IARS1: variants seen among roughly 807,000 people sequenced by gnomAD.
IARS1 encodes the protein isoleucine--tRNA ligase, cytoplasmic.
In IARS1, 124 loss-of-function variants were observed where a neutral mutation model predicts 168.2. That is an observed-to-expected ratio of 0.74 (90% CI 0.64 to 0.86). The LOEUF (loss-of-function observed/expected upper bound fraction) is 0.86. Ranked by LOEUF, IARS1 falls within the 40% of genes least tolerant of loss-of-function variation. The pLI is 0.00. For synonymous variants in IARS1, 532 were observed against 529.4 expected, an observed-to-expected ratio of 1.00 and a Z score of -0.07; for missense variants, 1,452 against 1,515.8, an observed-to-expected ratio of 0.96 and a Z score of 0.70.
chr9:92,227,813 G>A (rs1426554202), intron 31 of IARS1, among the ~76,000 whole-genome samples: 1 of 151,562 alleles, frequency 6.6e-6, no homozygotes, highest in African/African-American at 2.4e-5. Context: ...CTTCCTAGAT[G>A]GGATGGCGGC....
In IARS1 at chr9:92,240,949, C is replaced by T. The variant is rs776570033; in HGVS notation, c.3190G>A (p.Glu1064Lys). ...CCTCTGGTGAGTGTAATTTCCAGTTCAGATCCCTTCAACTGAGCACATGAG... is the reference window on the plus strand; with the variant it reads ...CCTCTGGTGAGTGTAATTTCCAGTTTAGATCCCTTCAACTGAGCACATGAG... ...IQEKTQLKGS[E>K]LEITLTRGSS... Residue 1064 changes from glutamate (E) to lysine (K), a missense_variant, in exon 30 of 34, where the codon GAA (glutamate) becomes AAA (lysine). By Grantham distance (56) the Glu-to-Lys change is moderately conservative. Transcript: ENST00000443024. The T allele has an allele frequency of 5.0e-6, 8 of 1,608,186 alleles. No individual in the cohort carries two copies. The South Asian group carries it at 6.6e-5, about 13-fold the overall frequency.
Position 92,210,564 on chromosome 9 carries a change from G to A in IARS1, c.*243C>T, listed in dbSNP as rs1055960014. On this transcript the variant is annotated 3_prime_UTR_variant, in exon 34 of 34. Coordinates refer to ENST00000443024, the MANE Select transcript of IARS1 (RefSeq NM_002161.6). ...GTATAGAAATAAACTGTGGGCTGAA[G>A]TAACATTGTAACCTGCTCCCAACAT... The A allele has an allele frequency of 1.0e-5, 4 of 383,710 alleles. No homozygotes were observed. The highest frequency in any genetic ancestry group is 1.9e-5 in the Non-Finnish European group (4 of 212,258). The allele number at this position is 383,710 out of a possible 1,614,324, so 23.8% of individuals were successfully genotyped here.
intron 22 of IARS1, 104 bp from the exon 23 acceptor site, chr9:92,250,938 T>C (rs1829927918): frequency 3.1e-6 from 4 of 1,275,704 alleles, no homozygotes; most frequent in African/African-American, 1.5e-5. Context: ...GACACAGTAA[T>C]AGGCACCAAA....
chr9:92,260,381 C>G, intron 17 of IARS1, 147 bp from the exon 18 acceptor site: 1 of 656,542 alleles, frequency 1.5e-6, no homozygotes, highest in Admixed American at 2.1e-5. Context: ...ATAGGCCGGG[C>G]GCGGTGGCTC....
intron 30 of IARS1, among the ~76,000 whole-genome samples, chr9:92,238,063 G>A (rs1005070729): frequency 1.3e-5 from 2 of 152,030 alleles, no homozygotes; most frequent in East Asian, 3.9e-4. Flanking sequence ...CCGCCACCAA[G>A]CCTGGCTAAT....
intron 27 of IARS1, 100 bp downstream of exon 27, chr9:92,244,859 G>T: frequency 2.3e-6 from 2 of 879,382 alleles, no homozygotes; most frequent in Non-Finnish European, 3.6e-6. Flanking sequence ...TTTACCCTGA[G>T]ACAAGCTGTC....
chr9:92,276,119 G>C (rs934419963), intron 9 of IARS1, among the ~76,000 whole-genome samples: 1 of 152,188 alleles, frequency 6.6e-6, no homozygotes, highest in Non-Finnish European at 1.5e-5. Flanking sequence ...AGTATGTTAA[G>C]CTATATGATA....
Position 92,238,071 on chromosome 9 carries a change from A to C in IARS1, c.3283+2785T>G, listed in dbSNP as rs137959704. ...TAGGCGCCCGCCACCAAGCCTGGCTAATTTTTGTATTTTTAGTAGAGGTGG... is the reference window on the plus strand; with the variant it reads ...TAGGCGCCCGCCACCAAGCCTGGCTCATTTTTGTATTTTTAGTAGAGGTGG... On this transcript the variant is annotated intron_variant, in intron 30 of 33. Coordinates refer to ENST00000443024, the MANE Select transcript of IARS1 (RefSeq NM_002161.6). 6.3e-4 allele frequency among the ~76,000 whole-genome samples: 96 copies of C among 152,096 alleles called. 4 individuals are homozygous for C. The East Asian group carries it at 0.016, about 25-fold the overall frequency.
At chr9:92,292,164 T>G (rs1248075029) in intron 1 of IARS1, among the ~76,000 whole-genome samples, 1 of 143,342 alleles carries the variant, frequency 7.0e-6, no homozygotes, top group Non-Finnish European at 1.5e-5. Flanking sequence ...ACTACAGGTG[T>G]GCACCACCAC....
chr9:92,265,435 A>C, intron 15 of IARS1, 45 bp downstream of exon 15: 1 of 1,519,434 alleles, frequency 6.6e-7, no homozygotes, highest in Non-Finnish European at 9.1e-7. Context: ...AGGTCTTAAT[A>C]GGAGAATCGT....
In IARS1 at chr9:92,284,747, C is replaced by T. The variant is rs1290060108; in HGVS notation, c.597+975G>A. On this transcript the variant is annotated intron_variant, in intron 6 of 33. Coordinates refer to ENST00000443024, the MANE Select transcript of IARS1 (RefSeq NM_002161.6). The stretch of plus-strand genomic sequence containing the variant: ...TCGCGCCACTGCACTCTAGCCTGGG[C>T]GACAGAGCAAGACTCTGACTCAAAC... Among the ~76,000 whole-genome samples the T allele has an allele frequency of 9.2e-5, 14 of 151,920 alleles. No homozygotes were observed. In the East Asian group the frequency reaches 9.6e-4, roughly 10 times the overall value.
Position 92,261,152 on chromosome 9 carries a change from A to G in IARS1, c.1788-918T>C, listed in dbSNP as rs557522919. Among the ~76,000 whole-genome samples, 708 of 152,206 alleles carry G rather than the reference A, an allele frequency of 4.7e-3. 6 individuals carry two copies. Among genetic ancestry groups the G allele is most frequent in the Non-Finnish European group, 7.4e-3 (504 of 68,014 alleles). On this transcript the variant is annotated intron_variant, in intron 17 of 33. Transcript: ENST00000443024. ...GTGAAACCCTGTCTCTACCAAAAAT[A>G]CAAAATATTAGCTGGGTGTGGTGGT...
At chr9:92,226,116 T>G (rs1375274393) in intron 31 of IARS1, among the ~76,000 whole-genome samples, 1 of 152,256 alleles carries the variant, frequency 6.6e-6, no homozygotes, top group African/African-American at 2.4e-5. Flanking sequence ...ATCCACCACC[T>G]TGGTGGAACC....
intron 6 of IARS1, among the ~76,000 whole-genome samples, chr9:92,285,220 C>T (rs1420007698): frequency 6.6e-6 from 1 of 152,174 alleles, no homozygotes. Flanking sequence ...TATAACAATA[C>T]ACTCTGTAAA....
chr9:92,283,245 G>A (rs1834917572), intron 6 of IARS1, among the ~76,000 whole-genome samples: 1 of 152,230 alleles, frequency 6.6e-6, no homozygotes, highest in South Asian at 2.1e-4. Flanking sequence ...GGTGAGTTAA[G>A]AATGGTGACA....
chr9:92,235,158 GTTCC>G (rs1423976852), intron 30 of IARS1, among the ~76,000 whole-genome samples: 4 of 152,122 alleles, frequency 2.6e-5, no homozygotes, highest in African/African-American at 9.7e-5. Context: ...TTGTATGTAT[GTTCC>G]TTATGATTTT....
chr9:92,266,962 T>A (rs1430142435), intron 14 of IARS1, among the ~76,000 whole-genome samples: 1 of 152,106 alleles, frequency 6.6e-6, no homozygotes, highest in Non-Finnish European at 1.5e-5. Flanking sequence ...AGTATTTGAG[T>A]TTCTAAACAT....
At chr9:92,274,988 G>A (rs1833590618) in intron 9 of IARS1, among the ~76,000 whole-genome samples, 1 of 152,190 alleles carries the variant, frequency 6.6e-6, no homozygotes, top group Non-Finnish European at 1.5e-5. Context: ...GGAGCCACGA[G>A]TAGTAAGTTC....
chr9:92,234,169 T>C (rs1827137509), intron 30 of IARS1, among the ~76,000 whole-genome samples: 1 of 152,254 alleles, frequency 6.6e-6, no homozygotes. Flanking sequence ...CATTTTTGTA[T>C]GTTTATCTTA....
Sources: allele counts gnomAD v4.1 joint callset (sites outside exome capture counted in the v4.1 genomes callset), GRCh38; gene constraint gnomAD v4.1.1; transcripts MANE v1.5; gene names NCBI Gene and HGNC (gene_info 2026-07-23, HGNC 2026-07-21).